Variants in UFL1 observed in about 807,000 individuals in gnomAD.
UFL1 encodes UFM1 specific ligase 1, also known as E3 UFM1-protein ligase 1.
UFL1 carries 78 observed loss-of-function variants against 99.3 expected under a neutral mutation model. The observed-to-expected ratio is 0.79, with a 90% confidence interval of 0.65 to 0.95. The LOEUF (loss-of-function observed/expected upper bound fraction) is 0.95. UFL1 is among the 40% of genes least tolerant of loss of function. UFL1 has a pLI of 0.00. For synonymous variants in UFL1, 335 were observed against 322.2 expected (o/e 1.04, Z -0.42); for missense variants, 936 against 937.0 (o/e 1.00, Z 0.01).
intron 6 of UFL1, 47 bp downstream of exon 6, chr6:96,528,679 G>A: frequency 6.6e-7 from 1 of 1,519,508 alleles, no homozygotes; most frequent in Non-Finnish European, 8.9e-7. Context: ...CTTTGATCAT[G>A]GTTTGCATTT....
intron 1 of UFL1, 74 bp from the exon 2 acceptor site, chr6:96,523,072 A>C (rs1324182277): frequency 7.0e-7 from 1 of 1,423,584 alleles, no homozygotes; most frequent in Non-Finnish European, 9.4e-7. Flanking sequence ...GCCTGTTTTC[A>C]TACATTGTAT....
At chr6:96,538,488 T>C in intron 9 of UFL1, 143 bp from the exon 10 acceptor site, 1 of 677,766 alleles carries the variant, frequency 1.5e-6, no homozygotes, top group South Asian at 2.7e-5. Context: ...GAAATATAAT[T>C]TGGAGGTTAT....
rs937222553 is a variant in UFL1 at position 96,526,509 on chromosome 6, GAA to G, written c.465+82_465+83del. ...AAACGAAGACTTTGAATGGAAGGGGGAAAAAAAAATGAGACTTCCTCACCATC... is the reference window on the plus strand; with the variant it reads ...AAACGAAGACTTTGAATGGAAGGGGGAAAAAAATGAGACTTCCTCACCATC... On this transcript the variant is annotated intron_variant, in intron 5 of 18. Transcript: ENST00000369278. 6 of 1,208,954 alleles carry G rather than the reference GAA, an allele frequency of 5.0e-6. No individual in the cohort carries two copies. In the African/African-American group the frequency reaches 7.8e-5, roughly 16 times the overall value. 74.9% of individuals were successfully genotyped at this position (1,208,954 alleles called of 1,614,324 possible).
chr6:96,545,474 T>A (rs981757161), intron 12 of UFL1, among the ~76,000 whole-genome samples: 8 of 150,972 alleles, frequency 5.3e-5, no homozygotes, highest in Non-Finnish European at 1.2e-4. Flanking sequence ...GATTTTTTTT[T>A]AATCTATGCC....
In UFL1 at chr6:96,536,285, A is replaced by G; in HGVS notation, c.697A>G (p.Thr233Ala). ...ELVNSGRLRGTVVGGRQDKAV... is the reference protein window; with the variant it reads ...ELVNSGRLRGAVVGGRQDKAV... ...TGTTAATAGCGGACGCTTACGAGGC[A>G]CTGTGGTTGGTGGGAGACAGGATAA... is the stretch of plus-strand genomic sequence containing the variant. Residue 233 changes from threonine (T) to alanine (A), a missense_variant, in exon 8 of 19, where the codon ACT (threonine) becomes GCT (alanine). Transcript: ENST00000369278. 6.2e-7 allele frequency: 1 copy of G among 1,610,844 alleles called. No homozygotes were observed. Among genetic ancestry groups the G allele is most frequent in the Non-Finnish European group, 8.5e-7 (1 of 1,177,738 alleles).
intron 6 of UFL1, among the ~76,000 whole-genome samples, chr6:96,531,072 A>G (rs1277129516): frequency 6.6e-6 from 1 of 152,194 alleles, no homozygotes; most frequent in African/African-American, 2.4e-5. Flanking sequence ...CTGCACATGC[A>G]AGGGATGTTG....
rs550391378 is a variant in UFL1 at position 96,536,387 on chromosome 6, C to A, written c.799C>A (p.Leu267Ile). The A allele has an allele frequency of 5.0e-6, 8 of 1,597,112 alleles. No homozygotes were observed. In the South Asian group the frequency reaches 7.9e-5, roughly 16 times the overall value. The change falls in exon 8 of 19, where the codon CTA becomes ATA. Residue 267 changes from leucine to isoleucine, a missense_variant. By Grantham distance (5) the Leu-to-Ile change is conservative (BLOSUM62 2). Transcript: ENST00000369278. ...TTCCTTTTTCAGGCAGAATGGCTAT[C>A]TAGGTAACTTTCTTATTTCTTTAAA... ...VDSFFRQNGY[L>I]EFDALSRLGI...
chr6:96,530,390 C>CA (rs1259406917), intron 6 of UFL1, among the ~76,000 whole-genome samples: 1 of 152,262 alleles, frequency 6.6e-6, no homozygotes, highest in East Asian at 1.9e-4. Flanking sequence ...TGAATCATAT[C>CA]AGGTGGCATA....
intron 8 of UFL1, among the ~76,000 whole-genome samples, chr6:96,537,133 T>G (rs1052708880): frequency 1.3e-5 from 2 of 151,730 alleles, no homozygotes; most frequent in Admixed American, 1.3e-4. Flanking sequence ...AATACTGGGT[T>G]TTTTCCTTAC....
intron 2 of UFL1, 95 bp from the exon 3 acceptor site, chr6:96,524,287 G>A: frequency 8.7e-7 from 1 of 1,147,728 alleles, no homozygotes; most frequent in Non-Finnish European, 1.3e-6. Flanking sequence ...GTTCTATGCA[G>A]GACTTTGACC....
At chr6:96,526,996 G>C (rs1378544450) in intron 5 of UFL1, among the ~76,000 whole-genome samples, 1 of 152,080 alleles carries the variant, frequency 6.6e-6, no homozygotes, top group Non-Finnish European at 1.5e-5. Flanking sequence ...CTTCTAAACA[G>C]TCAGTATGAT....
chr6:96,538,530 C>T lies in UFL1; in HGVS notation c.979-101C>T, dbSNP rs1769886253. On this transcript the variant is annotated intron_variant, in intron 9 of 18. Coordinates refer to ENST00000369278, the MANE Select transcript of UFL1 (RefSeq NM_015323.5). ...AAATATGGTTCCAAAAGCCACTGGACTTAATGAGATCATCTAGAGAGAGCA... is the reference window on the plus strand; with the variant it reads ...AAATATGGTTCCAAAAGCCACTGGATTTAATGAGATCATCTAGAGAGAGCA... 4 of 1,117,500 alleles carry T rather than the reference C, an allele frequency of 3.6e-6. No individual in the cohort carries two copies. In the East Asian group the frequency reaches 7.7e-5, roughly 22 times the overall value. The allele number at this position is 1,117,500 out of a possible 1,614,324, so 69.2% of individuals were successfully genotyped here. A position where few individuals can be genotyped will look rare whatever the true frequency, so the allele number is the denominator to read the frequency against.
rs546143645 is a variant in UFL1, at chr6:96,537,837, C to T, written c.978+288C>T. 5.3e-5 allele frequency among the ~76,000 whole-genome samples: 8 copies of T among 151,958 alleles called. No homozygotes were observed. In the East Asian group the frequency reaches 7.8e-4, roughly 15 times the overall value. On this transcript the variant is annotated intron_variant, in intron 9 of 18. Transcript: ENST00000369278. ...GATGAGACTTCTCACATCTTTTCCA[C>T]GCATTCACAGCCGTACTGGCATCAG...
intron 7 of UFL1, among the ~76,000 whole-genome samples, chr6:96,535,550 A>G (rs1220550231): frequency 6.6e-6 from 1 of 152,014 alleles, no homozygotes; most frequent in Non-Finnish European, 1.5e-5. Flanking sequence ...CAACAATTCT[A>G]TGAGATGATA....
At chr6:96,536,041 C>T (rs7760825) in intron 7 of UFL1, among the ~76,000 whole-genome samples, 143,579 of 152,042 alleles carry the variant, frequency 0.94, 68,258 homozygotes, top group Non-Finnish European at 1. Context: ...AAATGCAAAA[C>T]TTCCCTGAAT....
At chr6:96,540,513 A>G in intron 10 of UFL1, 22 bp from the exon 11 acceptor site, 1 of 1,585,896 alleles carries the variant, frequency 6.3e-7, no homozygotes, top group Admixed American at 1.9e-5. Context: ...TTTCCTACCA[A>G]AAAAAGCATG....
At chr6:96,529,120 A>G (rs1314973980) in intron 6 of UFL1, among the ~76,000 whole-genome samples, 1 of 152,184 alleles carries the variant, frequency 6.6e-6, no homozygotes, top group Non-Finnish European at 1.5e-5. Flanking sequence ...ATGAATAACA[A>G]TGTTACTTGC....
rs531221187 is a variant in UFL1, at chr6:96,546,380, TAGAA to T, written c.1403-1780_1403-1777del. Among the ~76,000 whole-genome samples the T allele has an allele frequency of 1.9e-4, 28 of 150,006 alleles. No homozygotes were observed. In the East Asian group the frequency reaches 4.0e-3, roughly 21 times the overall value. On this transcript the variant is annotated intron_variant, in intron 12 of 18. Transcript: ENST00000369278. ...AGAAATCGTAGATGACACAAACAAA[TAGAA>T]AGACACCCCAGGCTCATGGATTAGA... is the stretch of plus-strand genomic sequence containing the variant.
intron 9 of UFL1, 83 bp downstream of exon 9, chr6:96,537,632 A>G: frequency 7.4e-7 from 1 of 1,350,204 alleles, no homozygotes; most frequent in Non-Finnish European, 9.8e-7. Context: ...AAATTAGGAT[A>G]CATAAAGGTG....
Sources: gnomAD v4.1 joint callset for allele counts (sites outside exome capture counted in the v4.1 genomes callset) on GRCh38, gnomAD v4.1.1 for gene constraint, MANE v1.5 for transcripts, NCBI Gene and HGNC (gene_info 2026-07-23, HGNC 2026-07-21) for gene names.